The following GFPT1 variants were observed in gnomAD, a reference collection of about 807,000 sequenced individuals.
GFPT1 encodes the protein glutamine--fructose-6-phosphate aminotransferase [isomerizing] 1.
GFPT1 carries 40 observed loss-of-function variants against 92.0 expected under a neutral mutation model. The ratio of observed to expected loss-of-function variants is 0.43; its 90% CI spans 0.34 to 0.57. The LOEUF (loss-of-function observed/expected upper bound fraction) is 0.57. Ranked by LOEUF, GFPT1 falls within the 20% of genes least tolerant of loss-of-function variation. The pLI is 0.02. For missense variants in GFPT1, 448 were observed against 869.1 expected, an observed-to-expected ratio of 0.52 and a Z score of 6.09; for synonymous variants, 269 against 280.6, an observed-to-expected ratio of 0.96 and a Z score of 0.41.
At chr2:69,371,061 T>TTTTTC (rs1224699310) in intron 2 of GFPT1, among the ~76,000 whole-genome samples, 5 of 150,956 alleles carry the variant, frequency 3.3e-5, no homozygotes, top group African/African-American at 1.2e-4. Flanking sequence ...ATTCAGCTTA[T>TTTTTC]TTTTCTTTTC....
intron 1 of GFPT1, among the ~76,000 whole-genome samples, chr2:69,379,910 G>A (rs1011892962): frequency 1.3e-5 from 2 of 151,802 alleles, no homozygotes; most frequent in Non-Finnish European, 2.9e-5. Flanking sequence ...GTAGAAATGA[G>A]GTCTTACTAC....
rs930637129 is a variant in GFPT1, at chr2:69,323,370, G to A, written c.*2819C>T. 1 of 152,084 alleles carries A rather than the reference G, an allele frequency of 6.6e-6. No individual in the cohort carries two copies. The highest frequency in any genetic ancestry group is 1.5e-5 in the Non-Finnish European group (1 of 68,010). 9.4% of individuals were successfully genotyped at this position (152,084 alleles called of 1,614,324 possible). ...CCTATATTACACTGGTTTTAATTGGGCATGCTCACTTTAGTGGTGTGCCTC... is the reference window on the plus strand; with the variant it reads ...CCTATATTACACTGGTTTTAATTGGACATGCTCACTTTAGTGGTGTGCCTC... On this transcript the variant is annotated 3_prime_UTR_variant, in exon 20 of 20. Transcript: ENST00000357308.
At position 69,320,510 on chromosome 2, in the gene GFPT1, G is replaced by A. The variant is rs1397079889; in HGVS notation, c.*5679C>T. 6.6e-6 allele frequency: 1 copy of A among 152,436 alleles called. No homozygotes were observed. The allele number at this position is 152,436 out of a possible 1,614,324, so 9.4% of individuals were successfully genotyped here. ...CTGTCAAATTTGATATGTCTGGGCA[G>A]GACACGGTGACTCATGCCTGTAATC... On this transcript the variant is annotated 3_prime_UTR_variant, in exon 20 of 20. Coordinates refer to ENST00000357308, the MANE Select transcript of GFPT1 (RefSeq NM_001244710.2).
chr2:69,350,905 C>CAAAAAAAAAAAAAAAAAAA (rs796406578), intron 9 of GFPT1, among the ~76,000 whole-genome samples: 1 of 78,398 alleles, frequency 1.3e-5, no homozygotes, highest in Non-Finnish European at 2.6e-5. Flanking sequence ...AACTCTGTCT[C>CAAAAAAAAAAAAAAAAAAA]AAAAAAAAAA....
intron 3 of GFPT1, among the ~76,000 whole-genome samples, chr2:69,364,679 G>C (rs1475058519): frequency 1.3e-5 from 2 of 152,190 alleles, no homozygotes; most frequent in African/African-American, 4.8e-5. Flanking sequence ...AATCGGCATA[G>C]GCCAATGTTC....
intron 9 of GFPT1, among the ~76,000 whole-genome samples, chr2:69,353,487 C>G (rs377605766): frequency 6.6e-6 from 1 of 151,924 alleles, no homozygotes; most frequent in Non-Finnish European, 1.5e-5. Context: ...TGAGCCATGA[C>G]GAAACCACTG....
intron 2 of GFPT1, among the ~76,000 whole-genome samples, chr2:69,370,521 A>C (rs78141922): frequency 1.6e-3 from 245 of 152,356 alleles, no homozygotes; most frequent in African/African-American, 5.2e-3. Context: ...AATTTGAAAA[A>C]GCTACCCTGA....
intron 1 of GFPT1, among the ~76,000 whole-genome samples, chr2:69,378,043 T>G (rs1179249331): frequency 6.6e-6 from 1 of 152,086 alleles, no homozygotes; most frequent in Non-Finnish European, 1.5e-5. Flanking sequence ...TGAAACAGAG[T>G]CTCGCTTTGT....
chr2:69,368,889 C>T (rs930214331), intron 3 of GFPT1, among the ~76,000 whole-genome samples: 2 of 152,196 alleles, frequency 1.3e-5, no homozygotes, highest in Non-Finnish European at 2.9e-5. Context: ...CATCAACACG[C>T]CTGCCATTAC....
At chr2:69,333,842 T>TG (rs1558733534) in intron 15 of GFPT1, among the ~76,000 whole-genome samples, 1 of 152,198 alleles carries the variant, frequency 6.6e-6, no homozygotes, top group African/African-American at 2.4e-5. Context: ...GCTCCATCAC[T>TG]GGGCCCAGGG....
At position 69,387,106 on chromosome 2, in the gene GFPT1, A is replaced by AG; in HGVS notation, c.-36dup. On this transcript the variant is annotated 5_prime_UTR_variant, in exon 1 of 20. Transcript: ENST00000357308. ...GACACGGCCCGCGAGGCCAGGGGCGAGTGGCTGGCGGGATCGGGGGTGCAC... is the reference window on the plus strand; with the variant it reads ...GACACGGCCCGCGAGGCCAGGGGCGAGGTGGCTGGCGGGATCGGGGGTGCAC... 1 of 1,529,790 alleles carries AG rather than the reference A, an allele frequency of 6.5e-7. No homozygotes were observed. The highest frequency in any genetic ancestry group is 8.7e-7 in the Non-Finnish European group (1 of 1,144,040). The allele number at this position is 1,529,790 out of a possible 1,614,324, so 94.8% of individuals were successfully genotyped here.
chr2:69,358,260 A>C lies in GFPT1; in HGVS notation c.543+69T>G, dbSNP rs373488026. The C allele has an allele frequency of 6.6e-6, 9 of 1,357,240 alleles. No homozygotes were observed. The African/African-American group carries it at 7.1e-5, about 11-fold the overall frequency. 84.1% of individuals were successfully genotyped at this position (1,357,240 alleles called of 1,614,324 possible). ...AAAATAGCACAGTTCCTGCTTATCA[A>C]ACTTAATTTCCAGAAAGTTTCTCAG... On this transcript the variant is annotated intron_variant, in intron 6 of 19. Transcript: ENST00000357308.
rs537072970 is a variant in GFPT1, at chr2:69,342,212, G to C, written c.1143C>G (p.Ile381Met). Residue 381 changes from isoleucine to methionine, a missense_variant, in exon 13 of 20, where the codon ATC (isoleucine) becomes ATG (methionine). Ile to Met is a conservative substitution (Grantham distance 10). Coordinates refer to ENST00000357308, the MANE Select transcript of GFPT1 (RefSeq NM_001244710.2). ...LGGLKDHIKEIQRCRRLILIA... is the reference protein window; with the variant it reads ...LGGLKDHIKEMQRCRRLILIA... Reference sequence around the variant, plus strand: ...TAAGAATCAAACGCCGGCATCTCTGGATCTCCTTTATGTGATCCTTCAAAC... The same window carrying C: ...TAAGAATCAAACGCCGGCATCTCTGCATCTCCTTTATGTGATCCTTCAAAC... 6.2e-7 allele frequency: 1 copy of C among 1,611,118 alleles called. No homozygotes were observed. The highest frequency in any genetic ancestry group is 8.5e-7 in the Non-Finnish European group (1 of 1,177,382).
In GFPT1 at chr2:69,324,110, G is replaced by A. The variant is rs143394821; in HGVS notation, c.*2079C>T. 2.0e-5 allele frequency: 3 copies of A among 152,358 alleles called. No individual in the cohort carries two copies. The highest frequency in any genetic ancestry group is 4.4e-5 in the Non-Finnish European group (3 of 68,056). The allele number at this position is 152,358 out of a possible 1,614,324, so 9.4% of individuals were successfully genotyped here. On this transcript the variant is annotated 3_prime_UTR_variant, in exon 20 of 20. Coordinates refer to ENST00000357308, the MANE Select transcript of GFPT1 (RefSeq NM_001244710.2). ...AGGCTGAGCCACTGCACCCGGCAGA[G>A]AATCCATGTTTGTTTGGAAAATATC...
Position 69,348,319 on chromosome 2 carries a change from G to A in GFPT1, c.861C>T (p.His287=). 6.2e-7 allele frequency: 1 copy of A among 1,612,292 alleles called. No individual in the cohort carries two copies. The highest frequency in any genetic ancestry group is 8.5e-7 in the Non-Finnish European group (1 of 1,178,374). The change falls in exon 11 of 20, where the codon CAC becomes CAT. Residue 287 remains histidine, a synonymous_variant. Transcript: ENST00000357308. Reference sequence around the variant, plus strand: ...CTTCCAGAAAGATGACGCGATTGGTGTGTTCTATGACAGCACTATAAAGTT... The same window carrying A: ...CTTCCAGAAAGATGACGCGATTGGTATGTTCTATGACAGCACTATAAAGTT... The part of the protein sequence containing the change: ...FASDASAVIE[H]TNRVIFLEDD...
chr2:69,376,163 C>A (rs990196916), intron 1 of GFPT1, among the ~76,000 whole-genome samples: 1 of 152,176 alleles, frequency 6.6e-6, no homozygotes, highest in East Asian at 1.9e-4. Context: ...GTATTTTAAC[C>A]AGGTCATTAA....
chr2:69,358,237 A>T (rs566480181), intron 6 of GFPT1, 92 bp downstream of exon 6: 1 of 1,103,990 alleles, frequency 9.1e-7, no homozygotes, highest in African/African-American at 1.6e-5. Context: ...AAAATAAAAA[A>T]ATAGCACAGT....
chr2:69,342,786 GT>G (rs982352317), intron 12 of GFPT1, among the ~76,000 whole-genome samples: 3 of 152,312 alleles, frequency 2.0e-5, no homozygotes, highest in African/African-American at 7.2e-5. Flanking sequence ...CAATAAACCT[GT>G]CTGGGAAAAA....
At position 69,373,337 on chromosome 2, in the gene GFPT1, G is replaced by A. The variant is rs548387891; in HGVS notation, c.115+669C>T. 1.4e-4 allele frequency among the ~76,000 whole-genome samples: 22 copies of A among 152,226 alleles called. No individual in the cohort carries two copies. The South Asian group carries it at 4.6e-3, about 32-fold the overall frequency. On this transcript the variant is annotated intron_variant, in intron 2 of 19. Transcript: ENST00000357308. ...TGTGTAATTTATTTAAGATAGATGA[G>A]GCTGGAATCAGTGGCTTGCCTGTAA...
Sources: gnomAD v4.1 joint callset for allele counts (sites outside exome capture counted in the v4.1 genomes callset) on GRCh38, gnomAD v4.1.1 for gene constraint, MANE v1.5 for transcripts, NCBI Gene and HGNC (gene_info 2026-07-23, HGNC 2026-07-21) for gene names.